Variants in SLIT3 observed in about 807,000 individuals in gnomAD.
SLIT3 encodes slit guidance ligand 3.
In SLIT3, 68 loss-of-function variants were observed where a neutral mutation model predicts 184.0. That is an observed-to-expected ratio of 0.37 (90% CI 0.30 to 0.45). The LOEUF (loss-of-function observed/expected upper bound fraction) is 0.45, where lower values mean the gene tolerates loss of function less well. Ranked by LOEUF, SLIT3 falls within the 20% of genes least tolerant of loss-of-function variation. The pLI is 1.00. For missense variants in SLIT3, 1,707 were observed against 2,026.0 expected (o/e 0.84, Z 3.02); for synonymous variants, 831 against 828.6 (o/e 1.00, Z -0.05).
chr5:169,263,127 G>A (rs1766256130), intron 1 of SLIT3, among the ~76,000 whole-genome samples: 1 of 152,126 alleles, frequency 6.6e-6, no homozygotes, highest in South Asian at 2.1e-4. Context: ...GATTACTTGA[G>A]GCCAGAAGGG....
chr5:168,884,549 G>GATAGATATATATATAT (rs1554153412), intron 4 of SLIT3, among the ~76,000 whole-genome samples: 3 of 41,138 alleles, frequency 7.3e-5, no homozygotes, highest in African/African-American at 1.1e-4. Context: ...CCAATTACGA[G>GATAGATATATATATAT]ATATATATAT....
Position 168,662,760 on chromosome 5 carries a change from G to A in SLIT3, c.*3694C>T, listed in dbSNP as rs1217243136. ...TTCCCTTTCCTGAATCCTGCTCAGG[G>A]GGGACACAGCTTGAGCGGCCTCTTC... On this transcript the variant is annotated 3_prime_UTR_variant, in exon 36 of 36. Coordinates refer to ENST00000519560, the MANE Select transcript of SLIT3 (RefSeq NM_003062.4). 1 of 152,204 alleles carries A rather than the reference G, an allele frequency of 6.6e-6. No individual in the cohort carries two copies. Among genetic ancestry groups the A allele is most frequent in the Non-Finnish European group, 1.5e-5 (1 of 68,050 alleles). 9.4% of individuals were successfully genotyped at this position (152,204 alleles called of 1,614,324 possible).
intron 4 of SLIT3, among the ~76,000 whole-genome samples, chr5:169,098,276 C>T (rs779227204): frequency 6.6e-6 from 1 of 152,138 alleles, no homozygotes; most frequent in African/African-American, 2.4e-5. Context: ...TCCCTTTTAA[C>T]GAGGACACCC....
At chr5:168,932,379 CACACACACACACT>C (rs1762015716) in intron 4 of SLIT3, among the ~76,000 whole-genome samples, 1 of 149,910 alleles carries the variant, frequency 6.7e-6, no homozygotes, top group South Asian at 2.1e-4. Flanking sequence ...CACACACACA[CACACACACACACT>C]ACACACACCC....
chr5:169,065,252 T>C (rs1398999593), intron 4 of SLIT3, among the ~76,000 whole-genome samples: 1 of 152,200 alleles, frequency 6.6e-6, no homozygotes, highest in African/African-American at 2.4e-5. Flanking sequence ...CCTCCAACTG[T>C]CTGATGAACA....
At chr5:169,272,981 A>G (rs1294663286) in intron 1 of SLIT3, among the ~76,000 whole-genome samples, 1 of 152,120 alleles carries the variant, frequency 6.6e-6, no homozygotes, top group Non-Finnish European at 1.5e-5. Flanking sequence ...CAGCCAGCTC[A>G]TGGGTCTCAA....
chr5:168,700,399 C>G (rs1762179957), intron 27 of SLIT3, among the ~76,000 whole-genome samples, 183 bp downstream of exon 27: 1 of 152,208 alleles, frequency 6.6e-6, no homozygotes, highest in Admixed American at 6.5e-5. Flanking sequence ...TCTTTTGCCT[C>G]CCGCCATTTA....
intron 4 of SLIT3, among the ~76,000 whole-genome samples, chr5:168,967,922 C>T (rs1763269460): frequency 6.6e-6 from 1 of 152,196 alleles, no homozygotes; most frequent in South Asian, 2.1e-4. Flanking sequence ...AGATTTCAGA[C>T]ACTCTCGTAC....
intron 4 of SLIT3, among the ~76,000 whole-genome samples, chr5:169,151,091 G>A (rs906025894): frequency 1.3e-5 from 2 of 152,098 alleles, no homozygotes; most frequent in Non-Finnish European, 2.9e-5. Flanking sequence ...GGCAGTTCAG[G>A]AATCAGGGCT....
chr5:168,877,656 G>A (rs549830041), intron 5 of SLIT3, among the ~76,000 whole-genome samples: 10 of 152,278 alleles, frequency 6.6e-5, no homozygotes, highest in Admixed American at 2.0e-4. Flanking sequence ...AGACACGGGC[G>A]GTGCGGCAAC....
intron 1 of SLIT3, among the ~76,000 whole-genome samples, chr5:169,262,862 G>A (rs146050887): frequency 2.9e-4 from 44 of 152,230 alleles, no homozygotes; most frequent in African/African-American, 8.7e-4. Context: ...AAAGTCCTGC[G>A]TCCATTTAAA....
At position 168,673,167 on chromosome 5, in the gene SLIT3, A is replaced by T. The variant is rs1761305409; in HGVS notation, c.3841+10T>A. ...AGGGAGGTAGAGGTGGTAGGGAAAG[A>T]GGGCATTACCTCCAAGGTAGAGGGG... On this transcript the variant is annotated intron_variant, in intron 33 of 35. Transcript: ENST00000519560. 2.5e-6 allele frequency: 4 copies of T among 1,613,478 alleles called. No homozygotes were observed. The highest frequency in any genetic ancestry group is 3.4e-6 in the Non-Finnish European group (4 of 1,179,492).
chr5:168,968,152 T>A (rs1763278338), intron 4 of SLIT3, among the ~76,000 whole-genome samples: 1 of 151,812 alleles, frequency 6.6e-6, no homozygotes, highest in Admixed American at 6.6e-5. Context: ...TCCAGTCATC[T>A]CCCCCTCTGC....
At chr5:169,237,821 T>C (rs1765256453) in intron 3 of SLIT3, among the ~76,000 whole-genome samples, 2 of 152,204 alleles carry the variant, frequency 1.3e-5, no homozygotes, top group Admixed American at 1.3e-4. Context: ...ATAAATTCTT[T>C]ATCAGATACA....
At chr5:168,935,543 T>C (rs1298359513) in intron 4 of SLIT3, among the ~76,000 whole-genome samples, 1 of 152,218 alleles carries the variant, frequency 6.6e-6, no homozygotes, top group African/African-American at 2.4e-5. Flanking sequence ...AGCACCTCAA[T>C]AAGTATTAAT....
At chr5:168,865,269 C>T (rs531730569) in intron 5 of SLIT3, among the ~76,000 whole-genome samples, 8 of 151,306 alleles carry the variant, frequency 5.3e-5, no homozygotes, top group South Asian at 2.1e-4. Context: ...TGCATTCACA[C>T]GAGGACTCAT....
intron 4 of SLIT3, among the ~76,000 whole-genome samples, chr5:169,091,996 C>T (rs530097972): frequency 4.5e-4 from 68 of 152,178 alleles, no homozygotes; most frequent in Middle Eastern, 3.4e-3. Flanking sequence ...CCGAGGCAGG[C>T]GGATCACCTG....
At chr5:168,789,054 G>C (rs944848876) in intron 11 of SLIT3, among the ~76,000 whole-genome samples, 8 of 152,030 alleles carry the variant, frequency 5.3e-5, no homozygotes, top group African/African-American at 1.9e-4. Flanking sequence ...GCTGCCTATG[G>C]GTTTCAAAAT....
intron 3 of SLIT3, among the ~76,000 whole-genome samples, chr5:169,206,673 C>G (rs1340715960): frequency 6.6e-6 from 1 of 152,210 alleles, no homozygotes; most frequent in Non-Finnish European, 1.5e-5. Context: ...GTTCTAAACA[C>G]TCAAAATCTG....
Sources: allele counts gnomAD v4.1 joint callset (sites outside exome capture counted in the v4.1 genomes callset), GRCh38; gene constraint gnomAD v4.1.1; transcripts MANE v1.5; gene names NCBI Gene and HGNC (gene_info 2026-07-23, HGNC 2026-07-21).